The following ADD1 variants were observed in gnomAD, a reference collection of about 807,000 sequenced individuals.
The protein encoded by ADD1 is adducin 1, also known as alpha-adducin.
A neutral mutation model predicts 80.5 loss-of-function variants in ADD1; 24 were observed. That is an observed-to-expected ratio of 0.30 (90% confidence interval 0.22 to 0.42). The LOEUF is 0.42. ADD1 is among the 10% of genes least tolerant of loss of function. The pLI, the probability that ADD1 is intolerant of heterozygous loss-of-function variation, is 1.00. For synonymous variants in ADD1, 373 were observed against 393.8 expected (o/e 0.95, Z 0.63); for missense variants, 948 against 1,019.0 (o/e 0.93, Z 0.95).
intron 9 of ADD1, chr4:2,901,732 C>T (rs943718236): frequency 2.0e-5 from 3 of 151,988 alleles, no homozygotes; most frequent in African/African-American, 7.3e-5. Flanking sequence ...AGACCAGGAG[C>T]TTAAGACCAG....
intron 6 of ADD1, among the ~76,000 whole-genome samples, chr4:2,896,435 C>T (rs1323001898): frequency 1.3e-5 from 2 of 151,544 alleles, no homozygotes; most frequent in Non-Finnish European, 2.9e-5. Flanking sequence ...TCTCGAACTC[C>T]TGACCTCAAG....
At chr4:2,869,445 G>C (rs1269330646) in intron 1 of ADD1, among the ~76,000 whole-genome samples, 1 of 152,168 alleles carries the variant, frequency 6.6e-6, no homozygotes, top group East Asian at 1.9e-4. Context: ...AAGTCATTTT[G>C]GATTAGGTCT....
intron 2 of ADD1, among the ~76,000 whole-genome samples, chr4:2,876,927 G>T (rs1395467379): frequency 6.6e-6 from 1 of 151,700 alleles, no homozygotes; most frequent in African/African-American, 2.4e-5. Context: ...ACTTGAAACC[G>T]GGAGGCGGAG....
In ADD1 at chr4:2,881,901, T is replaced by C; in HGVS notation, c.199T>C (p.Phe67Leu). 2 of 1,591,632 alleles carry C rather than the reference T, an allele frequency of 1.3e-6. No homozygotes were observed. Among genetic ancestry groups the C allele is most frequent in the Non-Finnish European group, 1.7e-6 (2 of 1,173,102 alleles). ...GTGTTTTAATATTTTTTATTAGGCTTTCTGTGAAGAATTGGAATCAATGAT... is the reference window on the plus strand; with the variant it reads ...GTGTTTTAATATTTTTTATTAGGCTCTCTGTGAAGAATTGGAATCAATGAT... ...RVSMILQSPAFCEELESMIQE... is the reference protein window; with the variant it reads ...RVSMILQSPALCEELESMIQE... The change falls in exon 3 of 16, where the codon TTC becomes CTC. Residue 67 changes from phenylalanine (F) to leucine (L), a missense_variant. Physicochemically the swap from Phe to Leu is conservative, Grantham distance 22. Coordinates refer to ENST00000683351, the MANE Select transcript of ADD1 (RefSeq NM_001354761.2).
At chr4:2,882,357 TG>T (rs1211575250) in intron 3 of ADD1, among the ~76,000 whole-genome samples, 1 of 152,224 alleles carries the variant, frequency 6.6e-6, no homozygotes, top group Non-Finnish European at 1.5e-5. Context: ...AATAATGCTG[TG>T]GAGTAGCACA....
intron 1 of ADD1, among the ~76,000 whole-genome samples, 159 bp from the exon 2 acceptor site, chr4:2,875,721 GATCAGCCATGTGCCTC>G (rs1399515663): frequency 2.6e-5 from 4 of 152,170 alleles, no homozygotes; most frequent in Non-Finnish European, 4.4e-5. Flanking sequence ...GGAGGTGGTT[GATCAGCCATGTGCCTC>G]TGAGGCCACA....
Position 2,881,963 on chromosome 4 carries a change from C to T in ADD1, c.261C>T (p.Gly87=). The stretch of plus-strand genomic sequence containing the variant: ...TTAAGAAGGGGAAGAACCCCACAGG[C>T]CTATTGGCATTACAGCAGATTGCAG... The part of the protein sequence containing the change: ...EQFKKGKNPT[G]LLALQQIADF... The change falls in exon 3 of 16, where the codon GGC becomes GGT. Residue 87 remains glycine, a synonymous_variant. Coordinates refer to ENST00000683351, the MANE Select transcript of ADD1 (RefSeq NM_001354761.2). The T allele has an allele frequency of 6.2e-7, 1 of 1,613,306 alleles. No homozygotes were observed. Among genetic ancestry groups the T allele is most frequent in the Non-Finnish European group, 8.5e-7 (1 of 1,179,748 alleles).
At chr4:2,899,886 C>T (rs1735894970) in intron 9 of ADD1, 1 of 288,590 alleles carries the variant, frequency 3.5e-6, no homozygotes, top group African/African-American at 2.2e-5. Flanking sequence ...GGGAGCCCCT[C>T]AGCTGCTTAT....
At position 2,916,582 on chromosome 4, in the gene ADD1, G is replaced by A. The variant is rs148495965; in HGVS notation, c.1948+1542G>A. Among the ~76,000 whole-genome samples, 842 of 151,988 alleles carry A rather than the reference G, an allele frequency of 5.5e-3. 6 individuals carry two copies. Among genetic ancestry groups the A allele is most frequent in the Non-Finnish European group, 9.3e-3 (631 of 67,968 alleles). Reference sequence around the variant, plus strand: ...AAGTTTTGGGATACATGTACAGAACGTGCAGGTTTGTTACATAGGTATACA... The same window carrying A: ...AAGTTTTGGGATACATGTACAGAACATGCAGGTTTGTTACATAGGTATACA... On this transcript the variant is annotated intron_variant, in intron 14 of 15. Coordinates refer to ENST00000683351, the MANE Select transcript of ADD1 (RefSeq NM_001354761.2).
In ADD1 at chr4:2,926,659, G is replaced by C; in HGVS notation, c.2047+547G>C. ...ACAAGCAGGAGACGGATGCGCTAGAGAGTACCTGTTACCCTAGTAAGTACC... is the reference window on the plus strand; with the variant it reads ...ACAAGCAGGAGACGGATGCGCTAGACAGTACCTGTTACCCTAGTAAGTACC... On this transcript the variant is annotated intron_variant, in intron 15 of 15. Transcript: ENST00000683351. The surrounding 1 kb of genome is among the most constrained non-coding windows in gnomAD (Gnocchi z 5.0). 6 of 1,613,982 alleles carry C rather than the reference G, an allele frequency of 3.7e-6. No individual in the cohort carries two copies. The East Asian group carries it at 1.1e-4, about 30-fold the overall frequency.
chr4:2,904,531 T>C, intron 9 of ADD1: 1 of 573,856 alleles, frequency 1.7e-6, no homozygotes. Flanking sequence ...GGATGGACTT[T>C]TGGGTTGTTT....
intron 6 of ADD1, among the ~76,000 whole-genome samples, chr4:2,896,066 T>C (rs1560207716): frequency 6.6e-6 from 1 of 151,526 alleles, no homozygotes; most frequent in Non-Finnish European, 1.5e-5. Flanking sequence ...TTTTTGTATT[T>C]TTAGTAGAGG....
chr4:2,899,560 T>C (rs372270085), intron 9 of ADD1, 125 bp downstream of exon 9: 2 of 1,047,218 alleles, frequency 1.9e-6, no homozygotes, highest in East Asian at 2.5e-5. Context: ...TTCAAAGTCA[T>C]GAAGAAGCAC....
chr4:2,882,197 G>A (rs1266908632), intron 3 of ADD1, 137 bp downstream of exon 3: 7 of 784,170 alleles, frequency 8.9e-6, no homozygotes, highest in African/African-American at 5.5e-5. Context: ...ATGTGTTTTC[G>A]TTAGTCATAG....
At chr4:2,873,497 C>G (rs991525839) in intron 1 of ADD1, among the ~76,000 whole-genome samples, 4 of 152,160 alleles carry the variant, frequency 2.6e-5, no homozygotes, top group Admixed American at 2.6e-4. Flanking sequence ...TATACCTGGC[C>G]TGCAGTGTTT....
rs188068008 is a variant in ADD1 at position 2,848,008 on chromosome 4, A to G, written c.-21+3984A>G. ...GGCAGGTGGATCACCTGAGATCAGG[A>G]GTTCGAGGCCAGCCTGGCCAGCATG... is the stretch of plus-strand genomic sequence containing the variant. On this transcript the variant is annotated intron_variant, in intron 1 of 15. Transcript: ENST00000683351. Among the ~76,000 whole-genome samples the G allele has an allele frequency of 1.2e-4, 19 of 152,278 alleles. No individual in the cohort carries two copies. The East Asian group carries it at 3.7e-3, about 29-fold the overall frequency.
rs368321561 is a variant in ADD1 at position 2,905,101 on chromosome 4, A to G, written c.1499A>G (p.Asn500Ser). Residue 500 changes from asparagine (N) to serine (S), a missense_variant, in exon 10 of 16, where the codon AAC (asparagine) becomes AGC (serine). Asn to Ser is a conservative substitution (Grantham distance 46). Transcript: ENST00000683351. ...GTCTGCGTGCCAAGCTGTATTACCA[A>G]CTGCTTGGTCTGTGCCTACCTTACT... ...SGVCVPSCIT[N>S]CLWTKEDGHR... is the part of the protein sequence containing the mutation. 4.9e-5 allele frequency: 79 copies of G among 1,614,004 alleles called. No homozygotes were observed. The highest frequency in any genetic ancestry group is 6.4e-5 in the Non-Finnish European group (76 of 1,180,002).
chr4:2,911,180 G>GT (rs1369686829), intron 13 of ADD1, among the ~76,000 whole-genome samples: 1 of 152,140 alleles, frequency 6.6e-6, no homozygotes, highest in African/African-American at 2.4e-5. Flanking sequence ...AGTGAGGCGA[G>GT]TGCGTGGATG....
intron 4 of ADD1, among the ~76,000 whole-genome samples, chr4:2,887,280 A>C (rs1329925487): frequency 6.6e-6 from 1 of 152,222 alleles, no homozygotes; most frequent in African/African-American, 2.4e-5. Flanking sequence ...CAGAAAAGCA[A>C]ATACAGTGTC....
Sources: allele counts gnomAD v4.1 joint callset (sites outside exome capture counted in the v4.1 genomes callset), GRCh38; gene constraint gnomAD v4.1.1; non-coding constraint Gnocchi (gnomAD v3.1); transcripts MANE v1.5; gene names NCBI Gene and HGNC (gene_info 2026-07-23, HGNC 2026-07-21).